Variants in SPTLC2 observed in about 807,000 individuals in gnomAD.
The protein encoded by SPTLC2 is serine palmitoyltransferase long chain base subunit 2.
In SPTLC2, 21 loss-of-function variants were observed where a neutral mutation model predicts 62.0. That is an observed-to-expected ratio of 0.34 (90% CI 0.24 to 0.49). The LOEUF is 0.49. SPTLC2 is among the 20% of genes least tolerant of loss of function. SPTLC2 has a pLI of 0.99. For missense variants in SPTLC2, 511 were observed against 713.0 expected (o/e 0.72, Z 3.23); for synonymous variants, 261 against 261.8 (o/e 1.00, Z 0.03).
chr14:77,562,869 T>C (rs1187716183), intron 5 of SPTLC2, among the ~76,000 whole-genome samples: 3 of 152,200 alleles, frequency 2.0e-5, no homozygotes, highest in South Asian at 2.1e-4. Context: ...CTGTGGGAAA[T>C]GGCAGCTGAT....
intron 5 of SPTLC2, among the ~76,000 whole-genome samples, chr14:77,567,730 C>T (rs533185147): frequency 3.9e-5 from 6 of 152,104 alleles, no homozygotes; most frequent in East Asian, 1.9e-4. Flanking sequence ...TGTCTATTTT[C>T]TAATTCATTA....
At chr14:77,564,237 A>T (rs904461883) in intron 5 of SPTLC2, among the ~76,000 whole-genome samples, 5 of 2,472 alleles carry the variant, frequency 2.0e-3, no homozygotes, top group Admixed American at 0.011. Flanking sequence ...GTCTGGGGGG[A>T]AAAAAAAAAA....
In SPTLC2 at chr14:77,605,864, G is replaced by A. The variant is rs78851182; in HGVS notation, c.133-8484C>T. ...GAGTGGCCTGTAACAAACATACAAC[G>A]GATCCCACTCTTGGGATACTACACC... On this transcript the variant is annotated intron_variant, in intron 1 of 11. Transcript: ENST00000216484. Among the ~76,000 whole-genome samples, 1,460 of 152,284 alleles carry A rather than the reference G, an allele frequency of 9.6e-3. 20 individuals carry two copies. The highest frequency in any genetic ancestry group is 0.034 in the African/African-American group (1,392 of 41,552).
chr14:77,552,346 T>C, intron 8 of SPTLC2, 124 bp from the exon 9 acceptor site: 1 of 1,185,536 alleles, frequency 8.4e-7, no homozygotes, highest in Non-Finnish European at 1.2e-6. Context: ...GACACTAATC[T>C]GAGATACAAG....
At chr14:77,561,026 T>TG (rs2079612317) in intron 6 of SPTLC2, among the ~76,000 whole-genome samples, 2 of 27,138 alleles carry the variant, frequency 7.4e-5, no homozygotes, top group Non-Finnish European at 2.2e-4. Context: ...AAAATAAAAG[T>TG]GAAAAAAAAA....
chr14:77,596,123 G>T (rs566058176), intron 2 of SPTLC2, among the ~76,000 whole-genome samples: 1 of 152,074 alleles, frequency 6.6e-6, no homozygotes, highest in East Asian at 1.9e-4. Context: ...GGATCACAAG[G>T]TCAGGAGATT....
intron 1 of SPTLC2, among the ~76,000 whole-genome samples, chr14:77,598,724 G>A (rs941131949): frequency 1.3e-5 from 2 of 152,114 alleles, no homozygotes; most frequent in African/African-American, 4.8e-5. Context: ...TTGAGCCCAG[G>A]AGTTTGAGAC....
At chr14:77,543,305 G>A (rs1307272613) in intron 9 of SPTLC2, among the ~76,000 whole-genome samples, 3 of 152,106 alleles carry the variant, frequency 2.0e-5, no homozygotes, top group Admixed American at 6.5e-5. Context: ...CGCCCACCTT[G>A]GCCTCAGAAA....
intron 5 of SPTLC2, among the ~76,000 whole-genome samples, chr14:77,563,423 C>G (rs1320635100): frequency 6.6e-6 from 1 of 152,048 alleles, no homozygotes; most frequent in Admixed American, 6.6e-5. Context: ...TCCATGAATA[C>G]TATATTGTGT....
At position 77,567,350 on chromosome 14, in the gene SPTLC2, G is replaced by C. The variant is rs569833823; in HGVS notation, c.756+3034C>G. 2.6e-5 allele frequency among the ~76,000 whole-genome samples: 4 copies of C among 152,332 alleles called. No homozygotes were observed. The East Asian group carries it at 5.8e-4, about 22-fold the overall frequency. ...CTGATAGAGCTTGTAAGCATACAGA[G>C]AGAAGAGCAAGATGAGATTTTCTAA... is the stretch of plus-strand genomic sequence containing the variant. On this transcript the variant is annotated intron_variant, in intron 5 of 11. Transcript: ENST00000216484.
intron 10 of SPTLC2, among the ~76,000 whole-genome samples, chr14:77,519,525 T>C (rs1371119406): frequency 6.6e-6 from 1 of 151,684 alleles, no homozygotes; most frequent in African/African-American, 2.4e-5. Flanking sequence ...GAGACCAGCC[T>C]GGCCAACATG....
At position 77,506,123 on chromosome 14, in the gene SPTLC2, A is replaced by G. The variant is rs2079303731; in HGVS notation, c.*6161T>C. The G allele has an allele frequency of 6.6e-6, 1 of 152,210 alleles. No homozygotes were observed. The highest frequency in any genetic ancestry group is 1.5e-5 in the Non-Finnish European group (1 of 68,038). The allele number at this position is 152,210 out of a possible 1,614,324, so 9.4% of individuals were successfully genotyped here. ...AAAATCAACACACCTACCCCAACCC[A>G]ATACTCATCGCTTCACAGTCATCCA... On this transcript the variant is annotated 3_prime_UTR_variant, in exon 12 of 12. Coordinates refer to ENST00000216484, the MANE Select transcript of SPTLC2 (RefSeq NM_004863.4).
At chr14:77,615,588 T>G (rs550186585) in intron 1 of SPTLC2, among the ~76,000 whole-genome samples, 1 of 152,376 alleles carries the variant, frequency 6.6e-6, no homozygotes, top group South Asian at 2.1e-4. Flanking sequence ...AGCTCATCTT[T>G]AAAAACACAT....
rs983281146 is a variant in SPTLC2, at chr14:77,544,279, C to T, written c.1303+7817G>A. Among the ~76,000 whole-genome samples, 5 of 152,090 alleles carry T rather than the reference C, an allele frequency of 3.3e-5. No homozygotes were observed. In the South Asian group the frequency reaches 8.3e-4, roughly 25 times the overall value. ...CCAGCTTCAGCCTCCCAAAATGTTA[C>T]GATTACATCCCAAAATGTCAGGATT... On this transcript the variant is annotated intron_variant, in intron 9 of 11. Coordinates refer to ENST00000216484, the MANE Select transcript of SPTLC2 (RefSeq NM_004863.4).
In SPTLC2 at chr14:77,512,249, G is replaced by A. The variant is rs1348025026; in HGVS notation, c.*35C>T. The A allele has an allele frequency of 1.2e-6, 2 of 1,612,846 alleles. No individual in the cohort carries two copies. The highest frequency in any genetic ancestry group is 8.5e-7 in the Non-Finnish European group (1 of 1,179,954). On this transcript the variant is annotated 3_prime_UTR_variant, in exon 12 of 12. Coordinates refer to ENST00000216484, the MANE Select transcript of SPTLC2 (RefSeq NM_004863.4). ...ACAAAGGCCACAGGCTGTCCTGGGT[G>A]AGGGAGAGTTCCTCTGAGGGAGCAC...
intron 8 of SPTLC2, 144 bp downstream of exon 8, chr14:77,555,156 A>T: frequency 1.2e-6 from 1 of 838,226 alleles, no homozygotes; most frequent in Non-Finnish European, 2.0e-6. Context: ...AGGAGACATT[A>T]GAGTCACTCA....
Position 77,552,207 on chromosome 14 carries a change from G to A in SPTLC2, c.1192C>T (p.Leu398=), listed in dbSNP as rs201717420. The A allele has an allele frequency of 3.7e-6, 6 of 1,614,106 alleles. No homozygotes were observed. The Admixed American group carries it at 1.0e-4, about 27-fold the overall frequency. Reference sequence around the variant, plus strand: ...ACTGCACTATGAGAATGTGTTCGCAGGTAGTCTATCAGCTCCTGGGGAGTT... The same window carrying A: ...ACTGCACTATGAGAATGTGTTCGCAAGTAGTCTATCAGCTCCTGGGGAGTT... The part of the protein sequence containing the change: ...IGGKKELIDY[L]RTHSHSAVYA... The change falls in exon 9 of 12, where the codon CTG becomes TTG. Residue 398 remains leucine, a synonymous_variant. Coordinates refer to ENST00000216484, the MANE Select transcript of SPTLC2 (RefSeq NM_004863.4).
intron 3 of SPTLC2, chr14:77,578,673 TCA>T (rs1177669631): frequency 2.9e-6 from 1 of 339,434 alleles, no homozygotes; most frequent in African/African-American, 2.2e-5. Flanking sequence ...TGAGCTGAGA[TCA>T]CGCCACTGCA....
intron 1 of SPTLC2, among the ~76,000 whole-genome samples, chr14:77,602,924 A>G (rs919288647): frequency 6.6e-6 from 1 of 152,202 alleles, no homozygotes; most frequent in African/African-American, 2.4e-5. Context: ...GATATCCTCT[A>G]TAGCAAAAGA....
Sources: allele counts gnomAD v4.1 joint callset (sites outside exome capture counted in the v4.1 genomes callset), GRCh38; gene constraint gnomAD v4.1.1; transcripts MANE v1.5; gene names NCBI Gene and HGNC (gene_info 2026-07-23, HGNC 2026-07-21).